Variants in ETS1 observed in about 807,000 individuals in gnomAD.
ETS1 encodes protein C-ets-1.
Under a neutral mutation model 58.6 loss-of-function variants are expected in ETS1, and 15 were observed. The ratio of observed to expected loss-of-function variants is 0.26; its 90% CI spans 0.17 to 0.39. ETS1 has a LOEUF of 0.39. Ranked by LOEUF, ETS1 falls within the 10% of genes least tolerant of loss-of-function variation. The pLI, the probability that ETS1 is intolerant of heterozygous loss-of-function variation, is 1.00. For missense variants in ETS1, 417 were observed against 610.5 expected (o/e 0.68, Z 3.34); for synonymous variants, 214 against 218.2 (o/e 0.98, Z 0.17).
At chr11:128,479,494 T>C (rs1862422906) in intron 8 of ETS1, among the ~76,000 whole-genome samples, 1 of 152,262 alleles carries the variant, frequency 6.6e-6, no homozygotes, top group African/African-American at 2.4e-5. Flanking sequence ...CTACAACCCA[T>C]TTGAAGAAAG....
In ETS1 at chr11:128,473,220, G is replaced by A. The variant is rs534290266; in HGVS notation, c.1123+6971C>T. ...CTAATTATTATTAAATGCCTGCTAC[G>A]CCCCATGACACTGCCAGCAATTACT... is the stretch of plus-strand genomic sequence containing the variant. On this transcript the variant is annotated intron_variant, in intron 8 of 9. Transcript: ENST00000392668. Among the ~76,000 whole-genome samples, 96 of 152,230 alleles carry A rather than the reference G, an allele frequency of 6.3e-4. 1 individual carries two copies. Among genetic ancestry groups the A allele is most frequent in the African/African-American group, 2.1e-3 (89 of 41,544 alleles).
Position 128,489,429 on chromosome 11 carries a change from G to T in ETS1, c.396C>A (p.Phe132Leu). The change falls in exon 5 of 10, where the codon TTC (phenylalanine) becomes TTA (leucine). Residue 132 changes from phenylalanine (F) to leucine (L), a missense_variant. This residue lies in a region of ETS1 where 132 missense variants were observed against 212.1 expected (regional missense o/e 0.62). Coordinates refer to ENST00000392668, the MANE Select transcript of ETS1 (RefSeq NM_001143820.2). ...RDWVMWAVNE[F>L]SLKGVDFQKF... is the part of the protein sequence containing the mutation. ...TCTGGAAGTCTACACCTTTCAGGCTGAATTCATTCACAGCCCACATCACCC... is the reference window on the plus strand; with the variant it reads ...TCTGGAAGTCTACACCTTTCAGGCTTAATTCATTCACAGCCCACATCACCC... 6.2e-7 allele frequency: 1 copy of T among 1,614,138 alleles called. No homozygotes were observed. The highest frequency in any genetic ancestry group is 2.2e-5 in the East Asian group (1 of 44,880).
At chr11:128,472,665 C>T (rs1463902651) in intron 8 of ETS1, among the ~76,000 whole-genome samples, 1 of 152,164 alleles carries the variant, frequency 6.6e-6, no homozygotes, top group African/African-American at 2.4e-5. Context: ...ACAGTGAGGG[C>T]ATGCAGGTCC....
intron 8 of ETS1, among the ~76,000 whole-genome samples, chr11:128,467,287 G>A (rs918314651): frequency 3.3e-5 from 5 of 152,162 alleles, no homozygotes; most frequent in Non-Finnish European, 2.9e-5. Flanking sequence ...AAAGCTTAGA[G>A]GCAGCTCTGG....
At chr11:128,521,842 G>T in intron 3 of ETS1, 1 of 1,248,218 alleles carries the variant, frequency 8.0e-7, no homozygotes, top group Non-Finnish European at 1.1e-6. Flanking sequence ...CGGCGAAAGG[G>T]GGAAGAAGTC....
intron 3 of ETS1, among the ~76,000 whole-genome samples, chr11:128,493,430 T>C (rs775513615): frequency 5.9e-5 from 9 of 152,230 alleles, no homozygotes; most frequent in Non-Finnish European, 1.2e-4. Flanking sequence ...ACTTTTGCCT[T>C]TCCACCTCAA....
At position 128,531,715 on chromosome 11, in the gene ETS1, A is replaced by C. The variant is rs141995459; in HGVS notation, c.214+24576T>G. Among the ~76,000 whole-genome samples, 3 of 152,290 alleles carry C rather than the reference A, an allele frequency of 2.0e-5. No homozygotes were observed. In the East Asian group the frequency reaches 5.8e-4, roughly 29 times the overall value. On this transcript the variant is annotated intron_variant, in intron 3 of 9. Transcript: ENST00000392668. Reference sequence around the variant, plus strand: ...GCAAAGAGAATATGTACCCTCTTGAATTTCTTCCAGTATTGGGTTCTCCAC... The same window carrying C: ...GCAAAGAGAATATGTACCCTCTTGACTTTCTTCCAGTATTGGGTTCTCCAC...
Position 128,547,112 on chromosome 11 carries a change from T to C in ETS1, c.214+9179A>G, listed in dbSNP as rs551773746. ...ATGGAATGGAAACAACTTCCAGATT[T>C]AAATACACTCCCTTGGGACTGACCA... On this transcript the variant is annotated intron_variant, in intron 3 of 9. Transcript: ENST00000392668. Among the ~76,000 whole-genome samples the C allele has an allele frequency of 3.9e-5, 6 of 152,362 alleles. No homozygotes were observed. In the South Asian group the frequency reaches 1.2e-3, roughly 32 times the overall value.
In ETS1 at chr11:128,543,931, A is replaced by C. The variant is rs1200723328; in HGVS notation, c.214+12360T>G. 2.6e-5 allele frequency among the ~76,000 whole-genome samples: 4 copies of C among 152,298 alleles called. 1 individual carries two copies. The South Asian group carries it at 6.2e-4, about 24-fold the overall frequency. ...TTCTTAGTCTTCAGTGGATCTAAAAAACAGCTGTTGACTCCCTGATGACAT... is the reference window on the plus strand; with the variant it reads ...TTCTTAGTCTTCAGTGGATCTAAAACACAGCTGTTGACTCCCTGATGACAT... On this transcript the variant is annotated intron_variant, in intron 3 of 9. Coordinates refer to ENST00000392668, the MANE Select transcript of ETS1 (RefSeq NM_001143820.2).
At chr11:128,465,833 C>T (rs1862019345) in intron 8 of ETS1, among the ~76,000 whole-genome samples, 1 of 152,214 alleles carries the variant, frequency 6.6e-6, no homozygotes, top group African/African-American at 2.4e-5. Context: ...GGGGTGGATG[C>T]AACTGTTGTG....
chr11:128,563,519 C>T (rs1434495204), intron 2 of ETS1, among the ~76,000 whole-genome samples: 1 of 152,144 alleles, frequency 6.6e-6, no homozygotes, highest in Admixed American at 6.5e-5. Flanking sequence ...CTGAGGAGTT[C>T]GGCCTCCATG....
intron 7 of ETS1, among the ~76,000 whole-genome samples, chr11:128,484,057 G>A (rs1476792187): frequency 1.3e-5 from 2 of 152,286 alleles, no homozygotes; most frequent in Admixed American, 1.3e-4. Context: ...CTGTACCTCT[G>A]AGTGTTTATG....
intron 3 of ETS1, chr11:128,526,528 T>C (rs576891499): frequency 3.7e-5 from 8 of 215,876 alleles, no homozygotes; most frequent in South Asian, 3.5e-4. Context: ...AATGTCTGTC[T>C]ACAGCCATCT....
At chr11:128,508,166 T>G (rs903389599) in intron 3 of ETS1, among the ~76,000 whole-genome samples, 1 of 152,124 alleles carries the variant, frequency 6.6e-6, no homozygotes, top group Non-Finnish European at 1.5e-5. Flanking sequence ...TGTAACCAGG[T>G]TAATAGTAAC....
intron 2 of ETS1, among the ~76,000 whole-genome samples, chr11:128,560,972 A>G (rs565344281): frequency 6.6e-6 from 1 of 152,314 alleles, no homozygotes; most frequent in Non-Finnish European, 1.5e-5. Flanking sequence ...GAGCAAAAGA[A>G]GAGGAAGATA....
chr11:128,513,731 T>G (rs1366710445), intron 3 of ETS1, among the ~76,000 whole-genome samples: 2 of 152,210 alleles, frequency 1.3e-5, no homozygotes, highest in African/African-American at 4.8e-5. Context: ...GAAAATTTCC[T>G]GTGATAAATT....
intron 3 of ETS1, among the ~76,000 whole-genome samples, chr11:128,521,683 G>C (rs916366020): frequency 2.0e-5 from 3 of 152,196 alleles, no homozygotes; most frequent in Non-Finnish European, 4.4e-5. Context: ...AAACACAGCT[G>C]TGAAAATAAA....
At chr11:128,568,304 C>A (rs938608826) in intron 2 of ETS1, among the ~76,000 whole-genome samples, 1 of 152,190 alleles carries the variant, frequency 6.6e-6, no homozygotes, top group Non-Finnish European at 1.5e-5. Context: ...GCAGCCCAGC[C>A]CGCTCATTCC....
intron 8 of ETS1, among the ~76,000 whole-genome samples, chr11:128,470,927 G>C (rs1295063313): frequency 1.3e-5 from 2 of 152,234 alleles, no homozygotes; most frequent in Non-Finnish European, 2.9e-5. Flanking sequence ...CGCACCAAAA[G>C]AGACAGCAGA....
Sources: gnomAD v4.1 joint callset for allele counts (sites outside exome capture counted in the v4.1 genomes callset) on GRCh38, gnomAD v4.1.1 for gene constraint, gnomAD v4.1.1 regional missense constraint, MANE v1.5 for transcripts, NCBI Gene and HGNC (gene_info 2026-07-23, HGNC 2026-07-21) for gene names.